Variants in CTNNA2 observed in about 807,000 individuals in gnomAD.
CTNNA2 encodes the protein catenin alpha-2.
A neutral mutation model predicts 101.0 loss-of-function variants in CTNNA2; 42 were observed. The observed-to-expected ratio is 0.42, with a 90% CI of 0.32 to 0.54. The LOEUF (loss-of-function observed/expected upper bound fraction) is 0.54. Ranked by LOEUF, CTNNA2 falls within the 20% of genes least tolerant of loss-of-function variation. The probability of loss-of-function intolerance (pLI) is 0.14; values close to 1 mark genes in which losing one functional copy is unlikely to be tolerated. For synonymous variants in CTNNA2, 450 were observed against 456.4 expected (o/e 0.99, Z 0.18); for missense variants, 871 against 1,223.1 (o/e 0.71, Z 4.29).
chr2:80,190,784 C>T (rs1277095113), intron 7 of CTNNA2, among the ~76,000 whole-genome samples: 2 of 152,144 alleles, frequency 1.3e-5, no homozygotes, highest in East Asian at 1.9e-4. Flanking sequence ...TTTGTGAAGT[C>T]TCTTCAACTT....
chr2:79,464,146 C>G (rs926848108), intron 4 of CTNNA2, among the ~76,000 whole-genome samples: 1 of 152,142 alleles, frequency 6.6e-6, no homozygotes, highest in African/African-American at 2.4e-5. Context: ...CATCACCCCA[C>G]GACAGGCCCC....
intron 7 of CTNNA2, among the ~76,000 whole-genome samples, chr2:80,137,693 G>A (rs1702770866): frequency 6.6e-6 from 1 of 151,864 alleles, no homozygotes; most frequent in East Asian, 1.9e-4. Context: ...CATGCACATA[G>A]GAATCCATGG....
intron 7 of CTNNA2, among the ~76,000 whole-genome samples, chr2:80,206,099 T>A (rs1196895424): frequency 6.6e-6 from 1 of 152,238 alleles, no homozygotes; most frequent in Admixed American, 6.5e-5. Flanking sequence ...ACCATTGCCT[T>A]TTTTCCATAA....
At chr2:79,602,570 G>A (rs541382099) in intron 1 of CTNNA2, among the ~76,000 whole-genome samples, 14 of 152,200 alleles carry the variant, frequency 9.2e-5, no homozygotes, top group African/African-American at 2.9e-4. Context: ...AGTCAAAACT[G>A]TTACCATTAT....
At chr2:80,184,668 G>T (rs1255066436) in intron 7 of CTNNA2, among the ~76,000 whole-genome samples, 1 of 152,120 alleles carries the variant, frequency 6.6e-6, no homozygotes. Flanking sequence ...ATGGATTGGG[G>T]TATATCCAGA....
At chr2:79,812,010 C>T (rs1344730365) in intron 3 of CTNNA2, among the ~76,000 whole-genome samples, 6 of 152,092 alleles carry the variant, frequency 3.9e-5, no homozygotes, top group African/African-American at 1.4e-4. Context: ...TTTCGATTTC[C>T]AATTGTTTAC....
intron 1 of CTNNA2, among the ~76,000 whole-genome samples, chr2:79,608,200 A>G (rs1309181686): frequency 3.3e-5 from 5 of 152,056 alleles, no homozygotes; most frequent in Non-Finnish European, 7.4e-5. Context: ...GTCACAGACT[A>G]CCAAAGCTCA....
chr2:80,516,148 A>C (rs1436849674), intron 9 of CTNNA2, among the ~76,000 whole-genome samples: 1 of 152,116 alleles, frequency 6.6e-6, no homozygotes, highest in Non-Finnish European at 1.5e-5. Context: ...TGGGGCAGGA[A>C]GGGGATGTGC....
chr2:80,367,902 A>C (rs1675084079), intron 7 of CTNNA2, among the ~76,000 whole-genome samples: 1 of 149,578 alleles, frequency 6.7e-6, no homozygotes, highest in African/African-American at 2.5e-5. Context: ...CAACTTGTTA[A>C]TTTCAGGTGG....
intron 1 of CTNNA2, among the ~76,000 whole-genome samples, chr2:79,607,195 A>G (rs1677950423): frequency 6.6e-6 from 1 of 152,248 alleles, no homozygotes; most frequent in Non-Finnish European, 1.5e-5. Context: ...AGTTCATTTC[A>G]TAGTGATATA....
chr2:79,456,213 A>G (rs1438301013), intron 4 of CTNNA2, among the ~76,000 whole-genome samples: 6 of 151,432 alleles, frequency 4.0e-5, no homozygotes, highest in African/African-American at 1.4e-4. Flanking sequence ...CATTATTTTA[A>G]ATTACTTTAA....
At chr2:80,323,961 T>G (rs1254901325) in intron 7 of CTNNA2, among the ~76,000 whole-genome samples, 1 of 152,178 alleles carries the variant, frequency 6.6e-6, no homozygotes, top group Non-Finnish European at 1.5e-5. Flanking sequence ...ATGACCTCTT[T>G]AAGCTTCCCT....
intron 2 of CTNNA2, among the ~76,000 whole-genome samples, chr2:79,725,515 T>C (rs1686782425): frequency 6.6e-6 from 1 of 152,210 alleles, no homozygotes; most frequent in African/African-American, 2.4e-5. Context: ...TACATCTTTC[T>C]AACATTCAAA....
chr2:80,387,974 C>T (rs936824604), intron 7 of CTNNA2, among the ~76,000 whole-genome samples: 13 of 152,164 alleles, frequency 8.5e-5, no homozygotes, highest in African/African-American at 2.9e-4. Context: ...GTCTATTGCA[C>T]ACTCATTCTC....
At chr2:80,432,627 C>T (rs1681648697) in intron 9 of CTNNA2, among the ~76,000 whole-genome samples, 1 of 152,116 alleles carries the variant, frequency 6.6e-6, no homozygotes, top group Non-Finnish European at 1.5e-5. Context: ...CAATAGGACC[C>T]TCATTATTTA....
intron 4 of CTNNA2, among the ~76,000 whole-genome samples, chr2:79,429,977 G>A (rs892594433): frequency 2.0e-5 from 3 of 152,050 alleles, no homozygotes; most frequent in African/African-American, 7.2e-5. Context: ...CTTACTAAAA[G>A]TGTTATATCA....
chr2:79,541,252 A>G (rs1038144150), intron 1 of CTNNA2, among the ~76,000 whole-genome samples: 1 of 151,322 alleles, frequency 6.6e-6, no homozygotes, highest in Non-Finnish European at 1.5e-5. Context: ...AATTTTTCAA[A>G]TTCTTATTTT....
At chr2:80,585,009 A>G (rs1695856736) in intron 14 of CTNNA2, among the ~76,000 whole-genome samples, 1 of 149,092 alleles carries the variant, frequency 6.7e-6, no homozygotes, top group African/African-American at 2.5e-5. Context: ...TACTTATTAT[A>G]CTGCTTTAAA....
intron 7 of CTNNA2, among the ~76,000 whole-genome samples, chr2:80,154,166 G>T (rs546941260): frequency 6.6e-6 from 1 of 152,294 alleles, no homozygotes; most frequent in African/African-American, 2.4e-5. Flanking sequence ...CCCACATTTA[G>T]TTCTGCAGTT....
Sources: gnomAD v4.1 joint callset for allele counts (sites outside exome capture counted in the v4.1 genomes callset) on GRCh38, gnomAD v4.1.1 for gene constraint, MANE v1.5 for transcripts, NCBI Gene and HGNC (gene_info 2026-07-23, HGNC 2026-07-21) for gene names.